The following MPPED2 variants were observed in gnomAD, a reference collection of about 807,000 sequenced individuals.
MPPED2 encodes metallophosphoesterase domain containing 2.
A neutral mutation model predicts 33.0 loss-of-function variants in MPPED2; 5 were observed. The observed-to-expected ratio is 0.15, with a 90% CI of 0.08 to 0.32. The LOEUF (loss-of-function observed/expected upper bound fraction) is 0.32. Among genes scored for constraint, MPPED2 ranks in the 10% least tolerant of loss-of-function variants. The pLI, the probability that MPPED2 is intolerant of heterozygous loss-of-function variation, is 1.00. For synonymous variants in MPPED2, 136 were observed against 141.9 expected, an observed-to-expected ratio of 0.96 and a Z score of 0.29; for missense variants, 275 against 372.1, an observed-to-expected ratio of 0.74 and a Z score of 2.15.
intron 6 of MPPED2, among the ~76,000 whole-genome samples, chr11:30,403,961 G>C (rs1161452916): frequency 6.6e-6 from 1 of 152,184 alleles, no homozygotes; most frequent in African/African-American, 2.4e-5. Flanking sequence ...GAGTTCCAGA[G>C]AGCTCATGAG....
intron 3 of MPPED2, among the ~76,000 whole-genome samples, chr11:30,497,893 T>G (rs1478432092): frequency 1.3e-5 from 2 of 152,156 alleles, no homozygotes; most frequent in African/African-American, 4.8e-5. Flanking sequence ...TTTCCGAGAA[T>G]CCAGTAGTAG....
chr11:30,468,330 C>T (rs763950651), intron 4 of MPPED2, among the ~76,000 whole-genome samples: 31 of 151,938 alleles, frequency 2.0e-4, no homozygotes, highest in Non-Finnish European at 4.3e-4. Context: ...AAATGTGCAC[C>T]TCTGCACCAC....
At chr11:30,465,231 A>G (rs1716562657) in intron 4 of MPPED2, among the ~76,000 whole-genome samples, 1 of 152,222 alleles carries the variant, frequency 6.6e-6, no homozygotes, top group South Asian at 2.1e-4. Flanking sequence ...TATGGGAACT[A>G]CCACACACTG....
At chr11:30,507,373 C>G (rs1159257008) in intron 3 of MPPED2, among the ~76,000 whole-genome samples, 1 of 152,300 alleles carries the variant, frequency 6.6e-6, no homozygotes, top group East Asian at 1.9e-4. Flanking sequence ...TACAGAATAT[C>G]CTGAAATTTA....
At chr11:30,559,669 T>TA (rs1956153213) in intron 2 of MPPED2, among the ~76,000 whole-genome samples, 1 of 152,126 alleles carries the variant, frequency 6.6e-6, no homozygotes, top group African/African-American at 2.4e-5. Context: ...GTTTGAAAGT[T>TA]ATTTTTTTAA....
At chr11:30,390,623 T>C (rs903856804) in intron 6 of MPPED2, among the ~76,000 whole-genome samples, 1 of 152,230 alleles carries the variant, frequency 6.6e-6, no homozygotes, top group African/African-American at 2.4e-5. Flanking sequence ...AGAAAGACTG[T>C]TTCGGTTAGC....
At chr11:30,501,884 C>A (rs1952581482) in intron 3 of MPPED2, among the ~76,000 whole-genome samples, 1 of 152,158 alleles carries the variant, frequency 6.6e-6, no homozygotes, top group South Asian at 2.1e-4. Flanking sequence ...TGAATCACAA[C>A]ACATGAACCC....
intron 4 of MPPED2, among the ~76,000 whole-genome samples, chr11:30,446,502 A>G (rs919520895): frequency 1.3e-5 from 2 of 152,194 alleles, no homozygotes; most frequent in African/African-American, 4.8e-5. Flanking sequence ...AATACAAGTA[A>G]GCAGAAGAAA....
At chr11:30,581,179 T>C (rs560971420) in intron 1 of MPPED2, among the ~76,000 whole-genome samples, 135 of 152,166 alleles carry the variant, frequency 8.9e-4, no homozygotes, top group African/African-American at 3.1e-3. Flanking sequence ...ACCAAACACC[T>C]CCAGGTCTGG....
At chr11:30,401,905 G>A (rs1031595161) in intron 6 of MPPED2, among the ~76,000 whole-genome samples, 100 of 149,408 alleles carry the variant, frequency 6.7e-4, no homozygotes, top group African/African-American at 2.3e-3. Context: ...CACCGTGTTA[G>A]CCAGGATGGT....
At chr11:30,408,379 G>A (rs146644052), downstream of MPPED2, among the ~76,000 whole-genome samples, 1,274 of 152,138 alleles carry the variant, frequency 8.4e-3, 10 homozygotes, top group African/African-American at 0.029. Flanking sequence ...GCACTCTCTC[G>A]GCGCTCACTG....
At chr11:30,388,077 G>C (rs1281947078) in exon 7 of MPPED2, 2 of 152,520 alleles carry the variant, frequency 1.3e-5, no homozygotes, top group African/African-American at 2.4e-5. Flanking sequence ...TCGGCTGCCT[G>C]GGACTTGGGA....
At chr11:30,533,715 C>T (rs1954661447) in intron 3 of MPPED2, among the ~76,000 whole-genome samples, 3 of 152,142 alleles carry the variant, frequency 2.0e-5, no homozygotes, top group Admixed American at 2.0e-4. Context: ...CCAGGGCTCC[C>T]TTCGATCTCA....
chr11:30,564,921 T>C (rs1270802907), intron 2 of MPPED2, among the ~76,000 whole-genome samples: 1 of 152,140 alleles, frequency 6.6e-6, no homozygotes, highest in Non-Finnish European at 1.5e-5. Flanking sequence ...GCTGTTCATG[T>C]AAACAATTCA....
At chr11:30,388,283 G>C (rs1947727504) in exon 7 of MPPED2, 1 of 152,316 alleles carries the variant, frequency 6.6e-6, no homozygotes, top group Non-Finnish European at 1.5e-5. Flanking sequence ...CACCTGCTGT[G>C]TCACTCAGCT....
At chr11:30,441,602 G>T (rs1447814836) in intron 4 of MPPED2, among the ~76,000 whole-genome samples, 1 of 152,188 alleles carries the variant, frequency 6.6e-6, no homozygotes, top group Non-Finnish European at 1.5e-5. Flanking sequence ...CCTGGCAAAA[G>T]ATCTGTGATT....
intron 4 of MPPED2, among the ~76,000 whole-genome samples, chr11:30,449,651 G>A (rs1165950521): frequency 6.6e-6 from 1 of 152,132 alleles, no homozygotes; most frequent in Non-Finnish European, 1.5e-5. Context: ...AATAAAAAAA[G>A]AAAGAATCAG....
chr11:30,525,363 T>G (rs1954107832), intron 3 of MPPED2, among the ~76,000 whole-genome samples: 1 of 152,190 alleles, frequency 6.6e-6, no homozygotes, highest in South Asian at 2.1e-4. Context: ...TTGGACCAGA[T>G]AGTTTGGAAA....
intron 2 of MPPED2, among the ~76,000 whole-genome samples, chr11:30,567,053 T>A (rs1269334843): frequency 6.6e-6 from 1 of 152,162 alleles, no homozygotes; most frequent in Non-Finnish European, 1.5e-5. Context: ...ATCTCTCTAC[T>A]TGAAAAAACA....
Sources: allele counts gnomAD v4.1 joint callset (sites outside exome capture counted in the v4.1 genomes callset), GRCh38; gene constraint gnomAD v4.1.1; transcripts MANE v1.5; gene names NCBI Gene and HGNC (gene_info 2026-07-23, HGNC 2026-07-21).